Variants in ARHGAP15 observed in about 807,000 individuals in gnomAD.
ARHGAP15 encodes Rho GTPase activating protein 15.
Under a neutral mutation model 63.7 loss-of-function variants are expected in ARHGAP15, and 51 were observed. The observed-to-expected ratio is 0.80, with a 90% CI of 0.64 to 1.01. ARHGAP15 has a LOEUF of 1.01. Ranked by LOEUF, ARHGAP15 falls within the 50% of genes least tolerant of loss-of-function variation. The pLI, the probability that ARHGAP15 is intolerant of heterozygous loss-of-function variation, is 0.00. For missense variants in ARHGAP15, 560 were observed against 564.6 expected (o/e 0.99, Z 0.08); for synonymous variants, 191 against 193.8 (o/e 0.99, Z 0.12).
At chr2:143,131,268 C>T (rs1688906083) in intron 1 of ARHGAP15, among the ~76,000 whole-genome samples, 1 of 152,140 alleles carries the variant, frequency 6.6e-6, no homozygotes, top group Middle Eastern at 3.4e-3. Flanking sequence ...AAGGTACAAA[C>T]CAAATTTTAA....
chr2:143,652,716 G>C (rs767852499), intron 12 of ARHGAP15, among the ~76,000 whole-genome samples: 5 of 151,878 alleles, frequency 3.3e-5, no homozygotes, highest in Admixed American at 6.6e-5. Context: ...TTTCCTGCTT[G>C]TTTGATGCTA....
chr2:143,336,016 T>C (rs936437077), intron 6 of ARHGAP15, among the ~76,000 whole-genome samples: 6 of 152,096 alleles, frequency 3.9e-5, no homozygotes, highest in African/African-American at 1.2e-4. Context: ...TTTATTTTTT[T>C]TGAGACACGG....
At chr2:143,416,438 G>A (rs1688682311) in intron 6 of ARHGAP15, among the ~76,000 whole-genome samples, 1 of 152,164 alleles carries the variant, frequency 6.6e-6, no homozygotes, top group Non-Finnish European at 1.5e-5. Flanking sequence ...TCCTCATAGA[G>A]TTTGCCTTCT....
intron 12 of ARHGAP15, among the ~76,000 whole-genome samples, chr2:143,673,377 A>C (rs897325622): frequency 6.6e-6 from 1 of 152,090 alleles, no homozygotes; most frequent in African/African-American, 2.4e-5. Flanking sequence ...GGCTCACTGC[A>C]ACCTCCGCCT....
At chr2:143,219,650 C>T (rs955513867) in intron 4 of ARHGAP15, among the ~76,000 whole-genome samples, 3 of 152,182 alleles carry the variant, frequency 2.0e-5, no homozygotes, top group African/African-American at 7.2e-5. Flanking sequence ...CACACTTTCT[C>T]CTGAATGAGT....
At chr2:143,360,510 A>T (rs529729130) in intron 6 of ARHGAP15, among the ~76,000 whole-genome samples, 17 of 152,262 alleles carry the variant, frequency 1.1e-4, no homozygotes, top group Non-Finnish European at 1.8e-4. Flanking sequence ...TAGCAAAAAA[A>T]AAAATGATCT....
chr2:143,197,150 A>G (rs1336284094), intron 2 of ARHGAP15, among the ~76,000 whole-genome samples: 2 of 152,006 alleles, frequency 1.3e-5, no homozygotes, highest in Non-Finnish European at 2.9e-5. Context: ...TACTGTTTAA[A>G]ATGAAATTCT....
chr2:143,313,155 AG>A (rs879633597), intron 6 of ARHGAP15, among the ~76,000 whole-genome samples: 3 of 152,174 alleles, frequency 2.0e-5, no homozygotes, highest in Non-Finnish European at 4.4e-5. Flanking sequence ...ACAAGATGAG[AG>A]AGAAAAAAAG....
At chr2:143,628,187 C>G (rs903464829) in intron 12 of ARHGAP15, among the ~76,000 whole-genome samples, 7 of 152,092 alleles carry the variant, frequency 4.6e-5, no homozygotes, top group African/African-American at 1.7e-4. Context: ...GTGTAGTATT[C>G]TGTGTGTATG....
intron 12 of ARHGAP15, among the ~76,000 whole-genome samples, chr2:143,683,797 T>C (rs1683207461): frequency 6.6e-6 from 1 of 152,304 alleles, no homozygotes; most frequent in East Asian, 1.9e-4. Flanking sequence ...TTTAATAAAT[T>C]ACAACTTAGA....
chr2:143,174,891 G>A (rs1250335361), intron 2 of ARHGAP15, among the ~76,000 whole-genome samples: 1 of 152,004 alleles, frequency 6.6e-6, no homozygotes, highest in African/African-American at 2.4e-5. Flanking sequence ...CAATATTTTT[G>A]TAATTGATCA....
At chr2:143,576,065 T>G (rs1441940155) in intron 11 of ARHGAP15, among the ~76,000 whole-genome samples, 1 of 152,138 alleles carries the variant, frequency 6.6e-6, no homozygotes, top group African/African-American at 2.4e-5. Context: ...TCACTGAGTA[T>G]ATCCATATTC....
chr2:143,431,627 GC>G (rs1465238222), intron 6 of ARHGAP15, among the ~76,000 whole-genome samples: 3 of 151,982 alleles, frequency 2.0e-5, no homozygotes, highest in Non-Finnish European at 4.4e-5. Flanking sequence ...CATTGTGTGT[GC>G]TGCTCACATT....
intron 6 of ARHGAP15, among the ~76,000 whole-genome samples, chr2:143,370,821 A>G (rs1260322631): frequency 6.6e-6 from 1 of 152,140 alleles, no homozygotes; most frequent in Non-Finnish European, 1.5e-5. Context: ...CCTTTCATTT[A>G]CTTCTTTCTC....
chr2:143,624,921 A>AAC (rs968019215), intron 12 of ARHGAP15, among the ~76,000 whole-genome samples: 3 of 152,050 alleles, frequency 2.0e-5, no homozygotes, highest in East Asian at 1.9e-4. Flanking sequence ...TAATTCATAA[A>AAC]ACACACACAC....
intron 6 of ARHGAP15, among the ~76,000 whole-genome samples, chr2:143,375,439 A>G (rs1010443609): frequency 6.6e-6 from 1 of 152,190 alleles, no homozygotes; most frequent in African/African-American, 2.4e-5. Context: ...ACATAGCCCA[A>G]GTACCCTGGG....
intron 8 of ARHGAP15, among the ~76,000 whole-genome samples, chr2:143,468,614 G>T (rs1025295779): frequency 1.3e-5 from 2 of 149,524 alleles, no homozygotes; most frequent in Non-Finnish European, 3.0e-5. Context: ...TAGCCCATAG[G>T]TTGCTATGGG....
rs955600189 is a variant in ARHGAP15 at position 143,293,454 on chromosome 2, G to A, written c.474+42854G>A. Among the ~76,000 whole-genome samples, 7 of 152,092 alleles carry A rather than the reference G, an allele frequency of 4.6e-5. 1 individual carries two copies. The South Asian group carries it at 8.3e-4, about 18-fold the overall frequency. On this transcript the variant is annotated intron_variant, in intron 6 of 13. Transcript: ENST00000295095. ...CAACTGTTAAATATTTAGACACATG[G>A]TCTGCACATCTCCATTTATATTCTT...
intron 8 of ARHGAP15, among the ~76,000 whole-genome samples, chr2:143,473,564 C>G (rs1691676407): frequency 6.6e-6 from 1 of 152,118 alleles, no homozygotes; most frequent in Non-Finnish European, 1.5e-5. Flanking sequence ...CCATGTCTTA[C>G]CGTGTCTTTC....
Sources: allele counts gnomAD v4.1 joint callset (sites outside exome capture counted in the v4.1 genomes callset), GRCh38; gene constraint gnomAD v4.1.1; transcripts MANE v1.5; gene names NCBI Gene and HGNC (gene_info 2026-07-23, HGNC 2026-07-21).